GALNT16: variants seen among roughly 807,000 people sequenced by gnomAD.
The protein encoded by GALNT16 is polypeptide N-acetylgalactosaminyltransferase 16.
Under a neutral mutation model 76.1 loss-of-function variants are expected in GALNT16, and 40 were observed. The ratio of observed to expected loss-of-function variants is 0.53; its 90% CI spans 0.41 to 0.68. The LOEUF (loss-of-function observed/expected upper bound fraction) is 0.68, where lower values mean the gene tolerates loss of function less well. GALNT16 is among the 30% of genes least tolerant of loss of function. The pLI, the probability that GALNT16 is intolerant of heterozygous loss-of-function variation, is 0.00. For synonymous variants in GALNT16, 276 were observed against 285.2 expected (o/e 0.97, Z 0.32); for missense variants, 621 against 731.9 (o/e 0.85, Z 1.75).
rs575341480 is a variant in GALNT16 at position 69,326,034 on chromosome 14, C to T, written c.568+7C>T. Reference sequence around the variant, plus strand: ...CGCAATGATCGGCGGGAAGGTGAGTCCTTGCACCCTGGGTCCCACCAAGGG... The same window carrying T: ...CGCAATGATCGGCGGGAAGGTGAGTTCTTGCACCCTGGGTCCCACCAAGGG... On this transcript the variant is annotated splice_region_variant and intron_variant, in intron 5 of 14. Transcript: ENST00000448469. 1.2e-6 allele frequency: 2 copies of T among 1,610,834 alleles called. No homozygotes were observed. Among genetic ancestry groups the T allele is most frequent in the African/African-American group, 1.3e-5 (1 of 74,870 alleles).
At chr14:69,319,326 C>T (rs1049375279) in intron 1 of GALNT16, among the ~76,000 whole-genome samples, 21 of 152,242 alleles carry the variant, frequency 1.4e-4, no homozygotes, top group African/African-American at 5.1e-4. Flanking sequence ...CCCTGAGCTG[C>T]TGGTGACAGT....
At chr14:69,368,643 G>C in the GALNT16 span, among the ~76,000 whole-genome samples, 1 of 152,166 alleles carries the variant, frequency 6.6e-6, no homozygotes, top group Non-Finnish European at 1.5e-5. Context: ...TCCCCTAAGA[G>C]GAGGGTTTAC....
rs768181505 is a variant in GALNT16, at chr14:69,348,084, CCT to C, written c.1539+83_1539+84del. Reference sequence around the variant, plus strand: ...GGTGGCAGACCTTGGCAGGAGAGCCCCTGATTGACTCAAATAAGCCCTTCAGA... The same window carrying C: ...GGTGGCAGACCTTGGCAGGAGAGCCCGATTGACTCAAATAAGCCCTTCAGA... On this transcript the variant is annotated intron_variant, in intron 14 of 14. Transcript: ENST00000448469. The C allele has an allele frequency of 3.5e-6, 5 of 1,436,216 alleles. No individual in the cohort carries two copies. In the African/African-American group the frequency reaches 5.6e-5, roughly 16 times the overall value. The allele number at this position is 1,436,216 out of a possible 1,614,324, so 89.0% of individuals were successfully genotyped here. A position where few individuals can be genotyped will look rare whatever the true frequency, so the allele number is the denominator to read the frequency against.
intron 1 of GALNT16, among the ~76,000 whole-genome samples, chr14:69,312,029 T>G (rs2045028858): frequency 6.9e-6 from 1 of 144,572 alleles, no homozygotes; most frequent in Admixed American, 7.3e-5. Flanking sequence ...CATAGCAAGA[T>G]CCTGTTTCTA....
chr14:69,380,476 C>T, the GALNT16 span: 17 of 908,830 alleles, frequency 1.9e-5, no homozygotes, highest in East Asian at 3.9e-4. Flanking sequence ...ACTTCCACTA[C>T]AGCACGCTGT....
intron 14 of GALNT16, chr14:69,348,875 C>T (rs1380868551): frequency 6.6e-6 from 1 of 152,528 alleles, no homozygotes; most frequent in Non-Finnish European, 1.5e-5. Flanking sequence ...CCAGAGGCTG[C>T]TCCAGCACTT....
Position 69,341,684 on chromosome 14 carries a change from G to T in GALNT16, c.1191G>T (p.Val397=). The change falls in exon 12 of 15, where the codon GTG becomes GTT. Residue 397 remains valine (V), a synonymous_variant. Transcript: ENST00000448469. The part of the protein sequence containing the change: ...PSAIGKAFGS[V]ATRIEQRKKM... ...CAAGCCCTGCCTCCTCCTACAGTGTGGCTACGCGGATAGAGCAGAGGAAGA... is the reference window on the plus strand; with the variant it reads ...CAAGCCCTGCCTCCTCCTACAGTGTTGCTACGCGGATAGAGCAGAGGAAGA... 6.2e-7 allele frequency: 1 copy of T among 1,609,442 alleles called. No individual in the cohort carries two copies. Among genetic ancestry groups the T allele is most frequent in the Non-Finnish European group, 8.5e-7 (1 of 1,176,898 alleles).
At chr14:69,278,921 T>A (rs2044506159) in intron 1 of GALNT16, among the ~76,000 whole-genome samples, 1 of 150,526 alleles carries the variant, frequency 6.6e-6, no homozygotes, top group East Asian at 1.9e-4. Context: ...CCAGATCCTG[T>A]CTTTACCTTA....
chr14:69,364,744 T>C, the GALNT16 span, among the ~76,000 whole-genome samples: 1 of 152,202 alleles, frequency 6.6e-6, no homozygotes, highest in African/African-American at 2.4e-5. This position sits in a 1 kb window ranked among gnomAD's most constrained non-coding sequence, Gnocchi z 4.2. Context: ...TCAATATTCT[T>C]CTTGCTTAGG....
chr14:69,268,037 T>A (rs973837484), intron 1 of GALNT16, among the ~76,000 whole-genome samples: 2 of 152,194 alleles, frequency 1.3e-5, no homozygotes, highest in Non-Finnish European at 2.9e-5. Context: ...CTGGCCCTCA[T>A]CCTTCCCCTT....
intron 12 of GALNT16, among the ~76,000 whole-genome samples, chr14:69,344,895 G>T (rs1483263103): frequency 6.6e-6 from 1 of 152,184 alleles, no homozygotes; most frequent in Non-Finnish European, 1.5e-5. Flanking sequence ...AGAGTGTGGA[G>T]CTCCTGCCCT....
chr14:69,296,070 A>G (rs1400369749), intron 1 of GALNT16, among the ~76,000 whole-genome samples: 1 of 152,244 alleles, frequency 6.6e-6, no homozygotes, highest in Non-Finnish European at 1.5e-5. Flanking sequence ...CTGTACAGGA[A>G]GCATAAAAGC....
At chr14:69,322,926 GTGTGTGTGTGTGTGTGTGTGTGTGT>G (rs1367514874) in intron 2 of GALNT16, among the ~76,000 whole-genome samples, 1 of 27,730 alleles carries the variant, frequency 3.6e-5, no homozygotes, top group African/African-American at 2.9e-4. Flanking sequence ...GGCTCACGGG[GTGTGTGTGTGTGTGTGTGTGTGTGT>G]GTGTGTGTGT....
At position 69,347,169 on chromosome 14, in the gene GALNT16, G is replaced by A. The variant is rs191239519; in HGVS notation, c.1401G>A (p.Pro467=). 58 of 1,609,222 alleles carry A rather than the reference G, an allele frequency of 3.6e-5. No individual in the cohort carries two copies. In the African/African-American group the frequency reaches 6.7e-4, roughly 19 times the overall value. ...TCTGCAGAGGGTCTGCCAAGAACCC[G>A]CAGCCCGCCCAGGTAAGGACCTCGG... ...MGICRGSAKN[P]QPAQAWLFSD... Residue 467 remains proline, a synonymous_variant, in exon 13 of 15, where the codon CCG becomes CCA. Coordinates refer to ENST00000448469, the MANE Select transcript of GALNT16 (RefSeq NM_001168368.2).
At chr14:69,381,485 C>T in the GALNT16 span, among the ~76,000 whole-genome samples, 1 of 152,004 alleles carries the variant, frequency 6.6e-6, no homozygotes, top group African/African-American at 2.4e-5. Context: ...TCAGAAGATA[C>T]AGTAAGCTCC....
chr14:69,368,155 C>T, the GALNT16 span, among the ~76,000 whole-genome samples: 1,211 of 152,222 alleles, frequency 8.0e-3, 14 homozygotes, highest in Non-Finnish European at 9.1e-3. Flanking sequence ...CCTCCTGCCT[C>T]CTTTTTCTGG....
intron 1 of GALNT16, among the ~76,000 whole-genome samples, chr14:69,270,970 G>A (rs1396695491): frequency 6.6e-6 from 1 of 151,918 alleles, no homozygotes; most frequent in African/African-American, 2.4e-5. Flanking sequence ...GAGAACCAAA[G>A]GTCAGGGCAA....
At chr14:69,325,814 T>C (rs1057392197) in intron 4 of GALNT16, 148 bp from the exon 5 acceptor site, 4 of 671,990 alleles carry the variant, frequency 6.0e-6, no homozygotes, top group Non-Finnish European at 1.1e-5. Context: ...GGGCAACCCT[T>C]CGGCCAGTAG....
the GALNT16 span, among the ~76,000 whole-genome samples, chr14:69,378,639 T>C: frequency 6.6e-6 from 1 of 152,192 alleles, no homozygotes; most frequent in Non-Finnish European, 1.5e-5. Flanking sequence ...CAAACACTGC[T>C]CCCCTTCTTT....
Sources: allele counts gnomAD v4.1 joint callset (sites outside exome capture counted in the v4.1 genomes callset), GRCh38; gene constraint gnomAD v4.1.1; non-coding constraint Gnocchi (gnomAD v3.1); transcripts MANE v1.5; gene names NCBI Gene and HGNC (gene_info 2026-07-23, HGNC 2026-07-21).